The following SLC26A5 variants were observed in gnomAD, a reference collection of about 807,000 sequenced individuals.
The protein encoded by SLC26A5 is solute carrier family 26 member 5, also known as prestin.
In SLC26A5, 51 loss-of-function variants were observed where a neutral mutation model predicts 81.0. The ratio of observed to expected loss-of-function variants is 0.63; its 90% CI spans 0.50 to 0.80. SLC26A5 has a LOEUF of 0.80. Ranked by LOEUF, SLC26A5 falls within the 30% of genes least tolerant of loss-of-function variation. The pLI, the probability that SLC26A5 is intolerant of heterozygous loss-of-function variation, is 0.00. For synonymous variants in SLC26A5, 325 were observed against 332.8 expected (o/e 0.98, Z 0.25); for missense variants, 771 against 905.8 (o/e 0.85, Z 1.91).
intron 4 of SLC26A5, among the ~76,000 whole-genome samples, chr7:103,417,858 C>A (rs1452656683): frequency 1.3e-5 from 2 of 152,194 alleles, no homozygotes; most frequent in African/African-American, 4.8e-5. Context: ...AAGCGATTCT[C>A]CTGCCTCAGC....
chr7:103,384,846 G>C (rs781767765), intron 14 of SLC26A5, among the ~76,000 whole-genome samples: 1 of 152,112 alleles, frequency 6.6e-6, no homozygotes, highest in Non-Finnish European at 1.5e-5. Context: ...ATAATAATTT[G>C]TGCCATCATT....
At chr7:103,396,538 C>T (rs904944526) in intron 9 of SLC26A5, among the ~76,000 whole-genome samples, 4 of 152,294 alleles carry the variant, frequency 2.6e-5, no homozygotes, top group Admixed American at 2.6e-4. Flanking sequence ...TATAGACAAA[C>T]TCTGAAGACA....
intron 19 of SLC26A5, chr7:103,352,988 T>C: frequency 1.3e-6 from 1 of 779,834 alleles, no homozygotes; most frequent in Non-Finnish European, 2.4e-6. Flanking sequence ...TACCACTCTG[T>C]CTATTTGCAA....
intron 19 of SLC26A5, chr7:103,362,527 T>C (rs1778976002): frequency 7.1e-7 from 1 of 1,405,048 alleles, no homozygotes. Context: ...TAGTTTAGTA[T>C]CCTCAGATTT....
intron 2 of SLC26A5, among the ~76,000 whole-genome samples, chr7:103,441,102 G>C (rs1265968641): frequency 1.3e-5 from 2 of 152,308 alleles, no homozygotes; most frequent in South Asian, 2.1e-4. Context: ...TTATAGCAGA[G>C]ATAAGACTAA....
At chr7:103,380,369 T>G in intron 15 of SLC26A5, 111 bp downstream of exon 15, 4 of 825,498 alleles carry the variant, frequency 4.8e-6, no homozygotes, top group Non-Finnish European at 8.2e-6. Context: ...CTTTTCACTT[T>G]GACCACTATA....
Position 103,367,695 on chromosome 7 carries a change from C to A in SLC26A5, c.2041+9113G>T. The A allele has an allele frequency of 6.2e-7, 1 of 1,607,892 alleles. No individual in the cohort carries two copies. Among genetic ancestry groups the A allele is most frequent in the South Asian group, 1.1e-5 (1 of 89,920 alleles). ...GATTTTTTTCCATTTTAATATTTGT[C>A]AATTTTCTCATTTTTAGGGTCGGAC... On this transcript the variant is annotated intron_variant, in intron 19 of 19. Transcript: ENST00000339444. The surrounding 1 kb of genome is among the most constrained non-coding windows in gnomAD (Gnocchi z 6.1).
chr7:103,385,223 G>A (rs1331611161), intron 14 of SLC26A5, among the ~76,000 whole-genome samples: 3 of 151,930 alleles, frequency 2.0e-5, no homozygotes, highest in Admixed American at 6.6e-5. Flanking sequence ...GTGCAGTGGC[G>A]TGATCTCGGC....
At chr7:103,385,192 C>T (rs1468089151) in intron 14 of SLC26A5, among the ~76,000 whole-genome samples, 1 of 151,092 alleles carries the variant, frequency 6.6e-6, no homozygotes, top group East Asian at 1.9e-4. Context: ...GACAGAGTCT[C>T]GCTCTGTCGC....
Position 103,402,175 on chromosome 7 carries a change from G to C in SLC26A5, c.889-4161C>G, listed in dbSNP as rs536368008. Among the ~76,000 whole-genome samples the C allele has an allele frequency of 6.6e-5, 10 of 152,232 alleles. No homozygotes were observed. The South Asian group carries it at 2.1e-3, about 32-fold the overall frequency. On this transcript the variant is annotated intron_variant, in intron 8 of 19. Transcript: ENST00000306312. ...TGTACCTCTGGTAGAATTCGGCTGT[G>C]AATCCATTTGGTCCTGGACTTTTTT...
Position 103,379,824 on chromosome 7 carries a change from T to A in SLC26A5, c.1585-489A>T, listed in dbSNP as rs575669689. Among the ~76,000 whole-genome samples the A allele has an allele frequency of 3.9e-5, 6 of 152,258 alleles. No homozygotes were observed. The East Asian group carries it at 7.7e-4, about 20-fold the overall frequency. ...GTGAATATTTTATCAAGAACCCTTG[T>A]GGAACTCTAGGAGGCAGGCTGGAAA... On this transcript the variant is annotated intron_variant, in intron 15 of 19. Transcript: ENST00000306312.
rs531389169 is a variant in SLC26A5 at position 103,403,478 on chromosome 7, T to C, written c.888+4373A>G. ...TCATATTGACAGTGGGGTGTTAAAG[T>C]CTCCCACTATTATTGTGTGGGAGTC... On this transcript the variant is annotated intron_variant, in intron 8 of 19. Transcript: ENST00000306312. 9.2e-5 allele frequency among the ~76,000 whole-genome samples: 14 copies of C among 152,268 alleles called. No homozygotes were observed. In the South Asian group the frequency reaches 2.9e-3, roughly 32 times the overall value.
At chr7:103,399,051 T>A (rs1489335488) in intron 8 of SLC26A5, among the ~76,000 whole-genome samples, 4 of 152,062 alleles carry the variant, frequency 2.6e-5, no homozygotes, top group African/African-American at 4.8e-5. Flanking sequence ...TGTTTTCTTA[T>A]CAAGACAAAC....
At position 103,411,483 on chromosome 7, in the gene SLC26A5, C is replaced by T. The variant is rs1034874542; in HGVS notation, c.507G>A (p.Glu169=). 6.2e-7 allele frequency: 1 copy of T among 1,614,184 alleles called. No individual in the cohort carries two copies. Among genetic ancestry groups the T allele is most frequent in the African/African-American group, 1.3e-5 (1 of 75,052 alleles). ...CTTTCACTCTCAAGGCATCTCTGGC[C>T]TCTGTGCCATTGGTTGCATTTACTC... ...PGGVNATNGT[E]ARDALRVKVA... The change falls in exon 6 of 20, where the codon GAG becomes GAA. Residue 169 remains glutamate, a synonymous_variant. Coordinates refer to ENST00000306312, the MANE Select transcript of SLC26A5 (RefSeq NM_198999.3).
intron 2 of SLC26A5, among the ~76,000 whole-genome samples, chr7:103,426,637 A>G (rs1825728072): frequency 6.6e-6 from 1 of 152,160 alleles, no homozygotes; most frequent in Admixed American, 6.5e-5. Flanking sequence ...TGGTAGTTCA[A>G]GGACATTTCA....
At chr7:103,371,255 AAAAC>A (rs2116302434), downstream of SLC26A5, among the ~76,000 whole-genome samples, 2 of 152,378 alleles carry the variant, frequency 1.3e-5, no homozygotes, top group East Asian at 3.9e-4. Flanking sequence ...AATTCTATTC[AAAAC>A]AGTTTAAAAG....
chr7:103,410,646 C>CA, intron 6 of SLC26A5, 97 bp from the exon 7 acceptor site: 1 of 1,092,318 alleles, frequency 9.2e-7, no homozygotes, highest in Non-Finnish European at 1.3e-6. Flanking sequence ...TGACCATTTT[C>CA]TTTTTTTTTT....
intron 8 of SLC26A5, among the ~76,000 whole-genome samples, chr7:103,406,480 C>T (rs1273081861): frequency 6.6e-6 from 1 of 152,164 alleles, no homozygotes; most frequent in African/African-American, 2.4e-5. Context: ...GATGCCCCAC[C>T]CTGGTTCAGC....
At chr7:103,414,182 GCCC>G in intron 4 of SLC26A5, among the ~76,000 whole-genome samples, 1 of 116,568 alleles carries the variant, frequency 8.6e-6, no homozygotes, top group East Asian at 2.5e-4. Flanking sequence ...TTGAAGTTTT[GCCC>G]CCCCCTTTTT....
Sources: allele counts gnomAD v4.1 joint callset (sites outside exome capture counted in the v4.1 genomes callset), GRCh38; gene constraint gnomAD v4.1.1; non-coding constraint Gnocchi (gnomAD v3.1); transcripts MANE v1.5; gene names NCBI Gene and HGNC (gene_info 2026-07-23, HGNC 2026-07-21).